MYO7A: variants seen among roughly 807,000 people sequenced by gnomAD.
The protein encoded by MYO7A is myosin VIIA, also known as unconventional myosin-VIIa.
MYO7A carries 210 observed loss-of-function variants against 263.8 expected under a neutral mutation model. The ratio of observed to expected loss-of-function variants is 0.80; its 90% CI spans 0.71 to 0.89. MYO7A has a LOEUF of 0.89. Among genes scored for constraint, MYO7A ranks in the 40% least tolerant of loss-of-function variants. MYO7A has a pLI of 0.00. For missense variants in MYO7A, 2,820 were observed against 2,968.3 expected, an observed-to-expected ratio of 0.95 and a Z score of 1.16; for synonymous variants, 1,239 against 1,197.3, an observed-to-expected ratio of 1.03 and a Z score of -0.72.
chr11:77,155,336 T>C (rs1952348806), intron 4 of MYO7A, among the ~76,000 whole-genome samples: 1 of 152,144 alleles, frequency 6.6e-6, no homozygotes, highest in East Asian at 1.9e-4. Context: ...CTCTGTCCCC[T>C]AGAGCACAGC....
At chr11:77,144,524 G>A (rs1555052654) in intron 3 of MYO7A, among the ~76,000 whole-genome samples, 2 of 152,120 alleles carry the variant, frequency 1.3e-5, no homozygotes, top group African/African-American at 4.8e-5. Context: ...GGGGCAGTTC[G>A]GGAGGCTGGG....
chr11:77,133,821 G>GCT (rs199602821), intron 2 of MYO7A, among the ~76,000 whole-genome samples: 9,615 of 152,062 alleles, frequency 0.063, 391 homozygotes, highest in East Asian at 0.22. Flanking sequence ...CCTCATTACT[G>GCT]CTCTTTTGTG....
intron 17 of MYO7A, 149 bp from the exon 18 acceptor site, chr11:77,175,223 G>C: frequency 1.4e-6 from 1 of 728,928 alleles, no homozygotes; most frequent in East Asian, 2.6e-5. Context: ...GAAAACTGGG[G>C]CTCAGAGAAG....
rs781959420 is a variant in MYO7A, at chr11:77,157,288, G to A, written c.745G>A (p.Glu249Lys). The stretch of plus-strand genomic sequence containing the variant: ...GTGCCCACATTTTCAGGCCCTGGAT[G>A]AAAGGAACTACCACGTGTTCTACTG... ...KSRVCRQALDERNYHVFYCML... is the reference protein window; with the variant it reads ...KSRVCRQALDKRNYHVFYCML... Residue 249 changes from glutamate (E) to lysine (K), a missense_variant, in exon 8 of 49, where the codon GAA becomes AAA. By Grantham distance (56) the Glu-to-Lys change is moderately conservative. Coordinates refer to ENST00000409709, the MANE Select transcript of MYO7A (RefSeq NM_000260.4). The A allele has an allele frequency of 6.2e-7, 1 of 1,608,480 alleles. No individual in the cohort carries two copies. The highest frequency in any genetic ancestry group is 1.1e-5 in the South Asian group (1 of 89,976).
chr11:77,139,030 C>T (rs113927914), intron 2 of MYO7A, among the ~76,000 whole-genome samples: 16 of 152,324 alleles, frequency 1.1e-4, no homozygotes, highest in African/African-American at 3.6e-4. Flanking sequence ...TTAATATTGG[C>T]TCGAGACCGG....
intron 16 of MYO7A, 32 bp downstream of exon 16, chr11:77,172,917 G>A (rs782301579): frequency 1.1e-5 from 17 of 1,534,758 alleles, no homozygotes; most frequent in South Asian, 2.4e-5. Context: ...TTGGCGGGTG[G>A]CGGCTAGGGT....
chr11:77,163,050 G>A (rs1953162365), intron 14 of MYO7A, 62 bp downstream of exon 14: 1 of 1,570,178 alleles, frequency 6.4e-7, no homozygotes, highest in Admixed American at 1.7e-5. Flanking sequence ...CCCTGCTCCA[G>A]CCCAGGAATA....
In MYO7A at chr11:77,162,889, C is replaced by T. The variant is rs781951909; in HGVS notation, c.1591C>T (p.Gln531Ter). 1.9e-6 allele frequency: 3 copies of T among 1,613,756 alleles called. No homozygotes were observed. Among genetic ancestry groups the T allele is most frequent in the South Asian group, 2.2e-5 (2 of 91,054 alleles). ...DTTMLHKLNSQHKLNANYIPP... is the reference protein window; with the variant it reads ...DTTMLHKLNS Reference sequence around the variant, plus strand: ...CACCATGTTACACAAGCTGAACTCCCAGCACAAGCTCAACGCCAACTACAT... The same window carrying T: ...CACCATGTTACACAAGCTGAACTCCTAGCACAAGCTCAACGCCAACTACAT... Residue 531 changes from glutamine (Q) to a stop codon, truncating the protein, a stop_gained, in exon 14 of 49, where the codon CAG becomes TAG. Coordinates refer to ENST00000409709, the MANE Select transcript of MYO7A (RefSeq NM_000260.4). LOFTEE classifies it high-confidence loss of function.
intron 15 of MYO7A, among the ~76,000 whole-genome samples, chr11:77,167,081 A>G (rs1255702108): frequency 6.6e-6 from 1 of 151,582 alleles, no homozygotes; most frequent in Non-Finnish European, 1.5e-5. Context: ...CTGTGCTGAG[A>G]CTCGGGAAAA....
In MYO7A at chr11:77,156,158, C is replaced by G. The variant is rs1179902474; in HGVS notation, c.470+67C>G. 14 of 1,543,486 alleles carry G rather than the reference C, an allele frequency of 9.1e-6. No homozygotes were observed. The East Asian group carries it at 2.3e-4, about 25-fold the overall frequency. On this transcript the variant is annotated intron_variant, in intron 5 of 48. Transcript: ENST00000409709. Reference sequence around the variant, plus strand: ...CTAGAGCTCCAACTGTGCGCTCCTGCTGATACCTCTAGGAATTGCCCCCGC... The same window carrying G: ...CTAGAGCTCCAACTGTGCGCTCCTGGTGATACCTCTAGGAATTGCCCCCGC...
At chr11:77,147,992 GC>G in intron 4 of MYO7A, 42 bp downstream of exon 4, 1 of 1,460,198 alleles carries the variant, frequency 6.8e-7, no homozygotes, top group Non-Finnish European at 9.1e-7. Flanking sequence ...GCCCCCTCAG[GC>G]CCCGCCCCGC....
chr11:77,158,474 G>A, intron 9 of MYO7A, 44 bp downstream of exon 9: 1 of 1,593,068 alleles, frequency 6.3e-7, no homozygotes. Context: ...CTGCGCCAAG[G>A]GCAGTGCAGT....
chr11:77,155,847 T>C, intron 4 of MYO7A, 60 bp from the exon 5 acceptor site: 2 of 1,485,930 alleles, frequency 1.3e-6, no homozygotes, highest in Non-Finnish European at 1.8e-6. Context: ...CCCAAGAGCT[T>C]TCTAGAGTCA....
chr11:77,156,955 G>C lies in MYO7A; in HGVS notation c.686G>C (p.Gly229Ala), dbSNP rs1952528550. Residue 229 changes from glycine (G) to alanine (A), a missense_variant, in exon 7 of 49, where the codon GGC (glycine) becomes GCC (alanine). Physicochemically the swap from Gly to Ala is moderately conservative, Grantham distance 60 (BLOSUM62 0). Transcript: ENST00000409709. Reference protein sequence around the residue: ...IHFNKRGAIEGAKIEQYLLEK... With the variant: ...IHFNKRGAIEAAKIEQYLLEK... ...TTCAACAAGCGGGGCGCCATCGAGG[G>C]CGCGAAGATTGAGCAGTACCTGCTG... The C allele has an allele frequency of 6.2e-7, 1 of 1,613,986 alleles. No homozygotes were observed. The highest frequency in any genetic ancestry group is 8.5e-7 in the Non-Finnish European group (1 of 1,179,904).
At chr11:77,141,847 G>T (rs1287983744) in intron 2 of MYO7A, among the ~76,000 whole-genome samples, 1 of 152,190 alleles carries the variant, frequency 6.6e-6, no homozygotes, top group Admixed American at 6.5e-5. Flanking sequence ...TGGCTTGTTT[G>T]TTTCCTTGAC....
At position 77,179,135 on chromosome 11, in the gene MYO7A, C is replaced by A; in HGVS notation, c.2367+6C>A. ...GTAGGAAGAACTACGGGCTGGTGAGCCTCCCCATGGGCTGCTCTTGCCCAA... is the reference window on the plus strand; with the variant it reads ...GTAGGAAGAACTACGGGCTGGTGAGACTCCCCATGGGCTGCTCTTGCCCAA... On this transcript the variant is annotated splice_donor_region_variant and intron_variant, in intron 20 of 48. Transcript: ENST00000409709. The A allele has an allele frequency of 6.3e-7, 1 of 1,594,172 alleles. No individual in the cohort carries two copies. The highest frequency in any genetic ancestry group is 1.3e-5 in the African/African-American group (1 of 74,672).
chr11:77,137,062 G>A (rs1950929608), intron 2 of MYO7A, among the ~76,000 whole-genome samples: 1 of 152,222 alleles, frequency 6.6e-6, no homozygotes, highest in African/African-American at 2.4e-5. Context: ...GCACTTCCTT[G>A]TGTCTGAGGT....
rs573320886 is a variant in MYO7A at position 77,190,384 on chromosome 11, T to C, written c.3750+245T>C. ...GACGACTTGGGCAAAGGAGATTCCCTCTGTGTCTCAATGCCTTTACCTGCC... is the reference window on the plus strand; with the variant it reads ...GACGACTTGGGCAAAGGAGATTCCCCCTGTGTCTCAATGCCTTTACCTGCC... On this transcript the variant is annotated intron_variant, in intron 29 of 48. Transcript: ENST00000409709. Among the ~76,000 whole-genome samples the C allele has an allele frequency of 7.6e-4, 116 of 152,318 alleles. No homozygotes were observed. The South Asian group carries it at 7.9e-3, about 10-fold the overall frequency.
chr11:77,198,506 C>G lies in MYO7A; in HGVS notation c.4453C>G (p.Pro1485Ala). 1 of 1,613,854 alleles carries G rather than the reference C, an allele frequency of 6.2e-7. No homozygotes were observed. Among genetic ancestry groups the G allele is most frequent in the Non-Finnish European group, 8.5e-7 (1 of 1,179,882 alleles). ...TGGTCTCGTCCCAGGCCCCAGTCTC[C>G]CCAAGAACGACGTCATCGTGGCCGT... ...EAYKFSGPSLPKNDVIVAVNW... is the reference protein window; with the variant it reads ...EAYKFSGPSLAKNDVIVAVNW... Residue 1485 changes from proline (P) to alanine (A), a missense_variant, in exon 34 of 49, where the codon CCC becomes GCC. By Grantham distance (27) the Pro-to-Ala change is conservative. Coordinates refer to ENST00000409709, the MANE Select transcript of MYO7A (RefSeq NM_000260.4).
Sources: allele counts gnomAD v4.1 joint callset (sites outside exome capture counted in the v4.1 genomes callset), GRCh38; gene constraint gnomAD v4.1.1; transcripts MANE v1.5; gene names NCBI Gene and HGNC (gene_info 2026-07-23, HGNC 2026-07-21).